Variants in RYR3 observed in about 807,000 individuals in gnomAD.
The protein encoded by RYR3 is ryanodine receptor 3, also known as brain ryanodine receptor-calcium release channel.
Under a neutral mutation model 584.3 loss-of-function variants are expected in RYR3, and 207 were observed. That is an observed-to-expected ratio of 0.35 (90% CI 0.32 to 0.40). The LOEUF (loss-of-function observed/expected upper bound fraction) is 0.40. Among genes scored for constraint, RYR3 ranks in the 10% least tolerant of loss-of-function variants. RYR3 has a pLI of 1.00. For missense variants in RYR3, 5,616 were observed against 6,089.2 expected (o/e 0.92, Z 2.59); for synonymous variants, 2,416 against 2,248.5 (o/e 1.07, Z -2.11).
At chr15:33,794,723 G>A (rs2075488553) in intron 67 of RYR3, among the ~76,000 whole-genome samples, 1 of 152,106 alleles carries the variant, frequency 6.6e-6, no homozygotes, top group South Asian at 2.1e-4. Context: ...ACGGTCATAT[G>A]AGCTGTGCTG....
intron 69 of RYR3, among the ~76,000 whole-genome samples, chr15:33,802,617 C>T (rs999126997): frequency 6.6e-6 from 1 of 152,146 alleles, no homozygotes; most frequent in Non-Finnish European, 1.5e-5. Context: ...CCTCTTGCGT[C>T]GGCTCTGCAC....
chr15:33,557,120 G>A (rs900515104), intron 10 of RYR3, among the ~76,000 whole-genome samples: 11 of 152,056 alleles, frequency 7.2e-5, no homozygotes, highest in Non-Finnish European at 1.5e-4. Context: ...ACCTGATTTT[G>A]GATTATGTTC....
In RYR3 at chr15:33,809,259, C is replaced by T. The variant is rs115289736; in HGVS notation, c.10027-1220C>T. Among the ~76,000 whole-genome samples the T allele has an allele frequency of 7.7e-3, 1,179 of 152,278 alleles. 20 individuals are homozygous for T. Among genetic ancestry groups the T allele is most frequent in the African/African-American group, 0.027 (1,126 of 41,552 alleles). ...CTTCCAGAGCCCTGTATCTGTATGT[C>T]ATGATAAACCACAGTGCTGTCCCCT... On this transcript the variant is annotated intron_variant, in intron 70 of 103. Coordinates refer to ENST00000634891, the MANE Select transcript of RYR3 (RefSeq NM_001036.6).
At chr15:33,851,207 T>G (rs1007043864) in intron 94 of RYR3, 1 of 152,216 alleles carries the variant, frequency 6.6e-6, no homozygotes, top group African/African-American at 2.4e-5. Flanking sequence ...ACAGTGAACA[T>G]TCTTATACCT....
intron 10 of RYR3, among the ~76,000 whole-genome samples, chr15:33,550,683 T>G (rs1263698830): frequency 2.0e-5 from 3 of 152,208 alleles, no homozygotes; most frequent in African/African-American, 7.2e-5. Context: ...AATAGTAACA[T>G]GGAGGCATGA....
At position 33,628,491 on chromosome 15, in the gene RYR3, A is replaced by G. The variant is rs143407858; in HGVS notation, c.2595A>G (p.Leu865=). The part of the protein sequence containing the change: ...DTSQVILPPH[L]EKIRDRLAEN... ...TTTAGGTTATTTTGCCACCTCACCT[A>G]GAAAAGATCCGAGACAGACTAGCTG... Residue 865 remains leucine (L), a synonymous_variant, in exon 21 of 104, where the codon CTA becomes CTG. Coordinates refer to ENST00000634891, the MANE Select transcript of RYR3 (RefSeq NM_001036.6). 114 of 1,612,808 alleles carry G rather than the reference A, an allele frequency of 7.1e-5. No individual in the cohort carries two copies. In the African/African-American group the frequency reaches 1.3e-3, roughly 19 times the overall value.
At chr15:33,431,991 T>C (rs1251396892) in intron 1 of RYR3, among the ~76,000 whole-genome samples, 2 of 152,156 alleles carry the variant, frequency 1.3e-5, no homozygotes, top group Non-Finnish European at 2.9e-5. Flanking sequence ...CTGGAGTAGA[T>C]AGGAATTATT....
chr15:33,343,493 A>G (rs1450335347), intron 1 of RYR3, among the ~76,000 whole-genome samples: 1 of 151,976 alleles, frequency 6.6e-6, no homozygotes, highest in Non-Finnish European at 1.5e-5. Flanking sequence ...GCCTCCTCCC[A>G]TCCCCCGCAG....
At chr15:33,665,287 G>T (rs2063435022) in intron 36 of RYR3, among the ~76,000 whole-genome samples, 1 of 152,084 alleles carries the variant, frequency 6.6e-6, no homozygotes, top group Admixed American at 6.5e-5. Context: ...TTCTGTATCT[G>T]TTTCTTTAGC....
intron 95 of RYR3, 92 bp downstream of exon 95, chr15:33,853,179 G>T: frequency 9.1e-7 from 1 of 1,094,044 alleles, no homozygotes; most frequent in South Asian, 1.7e-5. Flanking sequence ...GAGTAAATGT[G>T]ATGCTACTTT....
chr15:33,571,737 A>T (rs569349616), intron 12 of RYR3, among the ~76,000 whole-genome samples: 1 of 152,246 alleles, frequency 6.6e-6, no homozygotes, highest in Non-Finnish European at 1.5e-5. Flanking sequence ...TTGATTTTTT[A>T]AAATAGTCTG....
chr15:33,751,475 C>T (rs925983353), intron 57 of RYR3, among the ~76,000 whole-genome samples: 1 of 152,120 alleles, frequency 6.6e-6, no homozygotes, highest in Non-Finnish European at 1.5e-5. Flanking sequence ...TTGCATTTCT[C>T]TAATGACCAG....
At chr15:33,427,516 G>T (rs1280844588) in intron 1 of RYR3, among the ~76,000 whole-genome samples, 2 of 152,086 alleles carry the variant, frequency 1.3e-5, no homozygotes, top group Non-Finnish European at 2.9e-5. Context: ...ATATGTTATG[G>T]GTATTCTCTT....
rs1463365254 is a variant in RYR3, at chr15:33,842,046, C to T, written c.13209+11C>T. 1 of 1,591,900 alleles carries T rather than the reference C, an allele frequency of 6.3e-7. No homozygotes were observed. ...CAGACCAAGTTACTGGTAAGCATTC[C>T]AACCTTGGCCCTGTTCATGGTGCAG... On this transcript the variant is annotated intron_variant, in intron 91 of 103. Coordinates refer to ENST00000634891, the MANE Select transcript of RYR3 (RefSeq NM_001036.6).
intron 1 of RYR3, among the ~76,000 whole-genome samples, chr15:33,364,680 G>A (rs1341941432): frequency 6.6e-6 from 1 of 152,190 alleles, no homozygotes; most frequent in Admixed American, 6.5e-5. Context: ...AAGGTAGACA[G>A]AATTGTGTCC....
At chr15:33,633,167 C>T (rs989085581) in intron 24 of RYR3, 59 bp downstream of exon 24, 13 of 1,565,482 alleles carry the variant, frequency 8.3e-6, no homozygotes, top group South Asian at 5.9e-5. Context: ...ATCCACGTGC[C>T]GTTTTGCTTT....
chr15:33,853,430 A>G, intron 95 of RYR3, 125 bp from the exon 96 acceptor site: 1 of 1,228,422 alleles, frequency 8.1e-7, no homozygotes, highest in Non-Finnish European at 1.1e-6. Flanking sequence ...CTGCATTTTG[A>G]ACTATGTCTT....
chr15:33,346,239 G>A (rs1400932836), intron 1 of RYR3, among the ~76,000 whole-genome samples: 1 of 152,192 alleles, frequency 6.6e-6, no homozygotes, highest in East Asian at 1.9e-4. Flanking sequence ...GAGTGAGAAG[G>A]ACATAACTGA....
chr15:33,364,655 A>G (rs991564103), intron 1 of RYR3, among the ~76,000 whole-genome samples: 4 of 152,352 alleles, frequency 2.6e-5, no homozygotes, highest in Admixed American at 6.5e-5. Context: ...TCATCTCCTA[A>G]GATATAGAAG....
Sources: allele counts gnomAD v4.1 joint callset (sites outside exome capture counted in the v4.1 genomes callset), GRCh38; gene constraint gnomAD v4.1.1; transcripts MANE v1.5; gene names NCBI Gene and HGNC (gene_info 2026-07-23, HGNC 2026-07-21).